DAPP1: variants seen among roughly 807,000 people sequenced by gnomAD.
DAPP1 encodes dual adapter for phosphotyrosine and 3-phosphotyrosine and 3-phosphoinositide.
Under a neutral mutation model 41.5 loss-of-function variants are expected in DAPP1, and 20 were observed. The ratio of observed to expected loss-of-function variants is 0.48; its 90% CI spans 0.34 to 0.70. The LOEUF is 0.70. Among genes scored for constraint, DAPP1 ranks in the 30% least tolerant of loss-of-function variants. The pLI, the probability that DAPP1 is intolerant of heterozygous loss-of-function variation, is 0.01. For synonymous variants in DAPP1, 113 were observed against 116.2 expected, an observed-to-expected ratio of 0.97 and a Z score of 0.18; for missense variants, 233 against 333.4, an observed-to-expected ratio of 0.70 and a Z score of 2.35.
chr4:99,869,933 A>AAAAC lies in DAPP1; in HGVS notation c.*1760_*1763dup, dbSNP rs1380530397. The AAAAC allele has an allele frequency of 1.3e-5, 2 of 151,644 alleles. No homozygotes were observed. Among genetic ancestry groups the AAAAC allele is most frequent in the African/African-American group, 4.8e-5 (2 of 41,336 alleles). The allele number at this position is 151,644 out of a possible 1,614,324, so 9.4% of individuals were successfully genotyped here. A position where few individuals can be genotyped will look rare whatever the true frequency, so the allele number is the denominator to read the frequency against. On this transcript the variant is annotated 3_prime_UTR_variant, in exon 9 of 9. Coordinates refer to ENST00000512369, the MANE Select transcript of DAPP1 (RefSeq NM_014395.3). Reference sequence around the variant, plus strand: ...TGACAGAGTCAGACTCCGTCCCAAAAAAACAAACAAACAAAACAAAACAAA... The same window carrying AAAAC: ...TGACAGAGTCAGACTCCGTCCCAAAAAAACAAACAAACAAACAAAACAAAACAAA...
At position 99,856,617 on chromosome 4, in the gene DAPP1, C is replaced by T. The variant is rs77679961; in HGVS notation, c.489+3269C>T. ...GTGTTTCTGTTGGTGCATTGCTTTG[C>T]GGCACTACTATCATGCGTGAGTGTC... On this transcript the variant is annotated intron_variant, in intron 4 of 8. Transcript: ENST00000512369. 1.2e-4 allele frequency among the ~76,000 whole-genome samples: 19 copies of T among 152,204 alleles called. No individual in the cohort carries two copies. The East Asian group carries it at 2.7e-3, about 22-fold the overall frequency.
At chr4:99,855,784 C>T (rs1266406510) in intron 4 of DAPP1, among the ~76,000 whole-genome samples, 1 of 152,160 alleles carries the variant, frequency 6.6e-6, no homozygotes, top group African/African-American at 2.4e-5. Context: ...ATTTGCTACC[C>T]CAAATGGCTA....
chr4:99,855,050 G>C (rs958130499), intron 4 of DAPP1, among the ~76,000 whole-genome samples: 2 of 152,148 alleles, frequency 1.3e-5, no homozygotes, highest in African/African-American at 4.8e-5. Context: ...TGTTAGAAGT[G>C]GGGGAGAAGG....
At chr4:99,836,208 TAGCTTTTC>T (rs1723292900) in intron 2 of DAPP1, among the ~76,000 whole-genome samples, 1 of 152,226 alleles carries the variant, frequency 6.6e-6, no homozygotes, top group African/African-American at 2.4e-5. Context: ...TATAGTGGGC[TAGCTTTTC>T]ATATTGAGTC....
chr4:99,850,015 G>A (rs529267598), intron 3 of DAPP1, among the ~76,000 whole-genome samples: 93 of 152,342 alleles, frequency 6.1e-4, no homozygotes, highest in African/African-American at 2.2e-3. Flanking sequence ...GCCAGTTTTA[G>A]ACTAGTGAGA....
chr4:99,852,351 A>T (rs188818343), intron 3 of DAPP1, among the ~76,000 whole-genome samples: 20 of 152,272 alleles, frequency 1.3e-4, no homozygotes, highest in African/African-American at 4.6e-4. Context: ...AAGAAAAAAA[A>T]TCCCCTTAAG....
intron 4 of DAPP1, 77 bp downstream of exon 4, chr4:99,853,425 G>T: frequency 6.7e-7 from 1 of 1,501,038 alleles, no homozygotes; most frequent in South Asian, 1.3e-5. Flanking sequence ...TAATAAGAGT[G>T]TATTTGTTCA....
chr4:99,840,572 T>C, intron 3 of DAPP1, 150 bp downstream of exon 3: 1 of 1,000,740 alleles, frequency 1.0e-6, no homozygotes, highest in Non-Finnish European at 1.4e-6. Context: ...AAAGTAGATA[T>C]TTTCTCAGAA....
chr4:99,820,532 G>A (rs964957455), intron 1 of DAPP1, among the ~76,000 whole-genome samples: 21 of 152,138 alleles, frequency 1.4e-4, no homozygotes, highest in African/African-American at 4.3e-4. Context: ...TTCTCAAATC[G>A]AAAGTTGTAT....
At chr4:99,834,547 C>T (rs182516821) in intron 1 of DAPP1, among the ~76,000 whole-genome samples, 450 of 152,270 alleles carry the variant, frequency 3.0e-3, no homozygotes, top group Non-Finnish European at 4.9e-3. Context: ...CATCCAGCTT[C>T]GTTTCACTCA....
chr4:99,864,585 G>T (rs1319128630), intron 7 of DAPP1, among the ~76,000 whole-genome samples: 1 of 152,112 alleles, frequency 6.6e-6, no homozygotes, highest in Non-Finnish European at 1.5e-5. Flanking sequence ...TATCAACTGA[G>T]AATGGGTGTC....
intron 5 of DAPP1, among the ~76,000 whole-genome samples, chr4:99,862,501 A>C (rs546528449): frequency 8.5e-5 from 13 of 152,310 alleles, no homozygotes; most frequent in Admixed American, 5.2e-4. Flanking sequence ...TTTGTAAGAC[A>C]AGAATAATAA....
At chr4:99,826,123 T>G (rs1578344757) in intron 1 of DAPP1, among the ~76,000 whole-genome samples, 1 of 152,230 alleles carries the variant, frequency 6.6e-6, no homozygotes, top group Non-Finnish European at 1.5e-5. Context: ...GATTCATCTT[T>G]GTTCTATCAC....
At chr4:99,865,960 T>TATATA in intron 7 of DAPP1, 74 bp from the exon 8 acceptor site, 1 of 80,666 alleles carries the variant, frequency 1.2e-5, no homozygotes, top group Non-Finnish European at 2.4e-5. Context: ...TATTATATTA[T>TATATA]ATATATTATA....
At chr4:99,866,926 C>T (rs573933649) in intron 8 of DAPP1, among the ~76,000 whole-genome samples, 30 of 151,702 alleles carry the variant, frequency 2.0e-4, no homozygotes, top group Admixed American at 9.2e-4. Flanking sequence ...CTTGCCACCA[C>T]GCCTGGTTAA....
rs544781971 is a variant in DAPP1, at chr4:99,852,714, G to A, written c.359-504G>A. Among the ~76,000 whole-genome samples the A allele has an allele frequency of 7.2e-5, 11 of 152,218 alleles. No individual in the cohort carries two copies. The East Asian group carries it at 9.6e-4, about 13-fold the overall frequency. ...CCACTAATTTGTTACACGTTTATTCGGAAACTGATTGATAGGAAATAAGGG... is the reference window on the plus strand; with the variant it reads ...CCACTAATTTGTTACACGTTTATTCAGAAACTGATTGATAGGAAATAAGGG... On this transcript the variant is annotated intron_variant, in intron 3 of 8. Coordinates refer to ENST00000512369, the MANE Select transcript of DAPP1 (RefSeq NM_014395.3).
intron 8 of DAPP1, among the ~76,000 whole-genome samples, chr4:99,867,745 C>A (rs1724510423): frequency 6.6e-6 from 1 of 152,144 alleles, no homozygotes; most frequent in Non-Finnish European, 1.5e-5. Flanking sequence ...AATCACTTGC[C>A]AGTGTTCTAT....
At chr4:99,845,418 G>A (rs1238362043) in intron 3 of DAPP1, among the ~76,000 whole-genome samples, 1 of 152,180 alleles carries the variant, frequency 6.6e-6, no homozygotes, top group African/African-American at 2.4e-5. Context: ...TGCTTTCCAG[G>A]CACCTTGCTA....
intron 3 of DAPP1, among the ~76,000 whole-genome samples, chr4:99,847,266 G>C (rs1228012391): frequency 6.6e-6 from 1 of 152,124 alleles, no homozygotes; most frequent in Non-Finnish European, 1.5e-5. Flanking sequence ...TGTGTACCCT[G>C]TGCTACACTC....
Sources: gnomAD v4.1 joint callset for allele counts (sites outside exome capture counted in the v4.1 genomes callset) on GRCh38, gnomAD v4.1.1 for gene constraint, MANE v1.5 for transcripts, NCBI Gene and HGNC (gene_info 2026-07-23, HGNC 2026-07-21) for gene names.